Variants in ASTN2 observed in about 807,000 individuals in gnomAD.
ASTN2 encodes astrotactin 2.
ASTN2 carries 54 observed loss-of-function variants against 139.8 expected under a neutral mutation model. The ratio of observed to expected loss-of-function variants is 0.39; its 90% CI spans 0.31 to 0.48. ASTN2 has a LOEUF of 0.48. Among genes scored for constraint, ASTN2 ranks in the 20% least tolerant of loss-of-function variants. The pLI, the probability that ASTN2 is intolerant of heterozygous loss-of-function variation, is 0.95. For missense variants in ASTN2, 1,565 were observed against 1,725.1 expected (o/e 0.91, Z 1.64); for synonymous variants, 756 against 719.5 (o/e 1.05, Z -0.81).
chr9:116,725,087 T>C (rs1213730475), intron 16 of ASTN2, among the ~76,000 whole-genome samples: 1 of 152,186 alleles, frequency 6.6e-6, no homozygotes, highest in Non-Finnish European at 1.5e-5. Flanking sequence ...TTATCTTTAA[T>C]GTGAGAAGCA....
chr9:116,905,203 G>T (rs1318590453), intron 10 of ASTN2, among the ~76,000 whole-genome samples: 1 of 152,144 alleles, frequency 6.6e-6, no homozygotes, highest in Non-Finnish European at 1.5e-5. Context: ...ACAGAAGAGC[G>T]TGTGCTCCTT....
chr9:117,049,659 G>A (rs1032621898), intron 5 of ASTN2, among the ~76,000 whole-genome samples: 2 of 152,206 alleles, frequency 1.3e-5, no homozygotes, highest in African/African-American at 4.8e-5. Flanking sequence ...TCACTGGGAA[G>A]AGGAAGAGGA....
chr9:116,820,546 G>A, intron 12 of ASTN2, 71 bp downstream of exon 12: 1 of 1,544,960 alleles, frequency 6.5e-7, no homozygotes, highest in African/African-American at 1.4e-5. Context: ...GAGCTGTAGT[G>A]TCTGATCATT....
chr9:116,485,189 A>G (rs79776081), intron 20 of ASTN2, among the ~76,000 whole-genome samples: 109 of 152,312 alleles, frequency 7.2e-4, no homozygotes, highest in African/African-American at 2.5e-3. Flanking sequence ...GCTTTTGTCC[A>G]TGATCCCTTC....
At chr9:117,270,190 A>G (rs1834031523) in intron 2 of ASTN2, among the ~76,000 whole-genome samples, 1 of 152,218 alleles carries the variant, frequency 6.6e-6, no homozygotes, top group Admixed American at 6.5e-5. Context: ...AAGAAAACTT[A>G]ACATGAGATC....
intron 11 of ASTN2, among the ~76,000 whole-genome samples, chr9:116,839,186 C>CAG (rs1832113626): frequency 1.3e-5 from 2 of 152,124 alleles, no homozygotes; most frequent in Non-Finnish European, 2.9e-5. Flanking sequence ...CTCTGTCACC[C>CAG]AGGCTGGAGT....
At chr9:117,188,087 C>T (rs972401792) in intron 3 of ASTN2, among the ~76,000 whole-genome samples, 12 of 151,592 alleles carry the variant, frequency 7.9e-5, no homozygotes, top group African/African-American at 2.9e-4. Flanking sequence ...CCTAACCCCT[C>T]CCTAGTCATG....
chr9:117,354,010 A>C (rs886909754), intron 1 of ASTN2, among the ~76,000 whole-genome samples: 2 of 152,136 alleles, frequency 1.3e-5, no homozygotes, highest in Non-Finnish European at 2.9e-5. Context: ...CACAACACCA[A>C]AAGTGAACCC....
chr9:117,191,152 C>A (rs1221987618), intron 3 of ASTN2, among the ~76,000 whole-genome samples: 3 of 150,654 alleles, frequency 2.0e-5, no homozygotes, highest in African/African-American at 7.3e-5. Flanking sequence ...TGGGAATATA[C>A]CCTGAGGAAA....
At chr9:117,358,153 A>G (rs1271438897) in intron 1 of ASTN2, among the ~76,000 whole-genome samples, 1 of 152,154 alleles carries the variant, frequency 6.6e-6, no homozygotes, top group East Asian at 1.9e-4. Flanking sequence ...CTCAAAATCC[A>G]GGATATGCCT....
intron 11 of ASTN2, among the ~76,000 whole-genome samples, chr9:116,841,211 C>A (rs911004135): frequency 1.3e-5 from 2 of 152,206 alleles, no homozygotes; most frequent in African/African-American, 4.8e-5. Context: ...CCAGTCTCCA[C>A]CAAGAAAATA....
chr9:117,107,609 A>C (rs1829139708), intron 4 of ASTN2, among the ~76,000 whole-genome samples: 1 of 152,208 alleles, frequency 6.6e-6, no homozygotes, highest in Non-Finnish European at 1.5e-5. Context: ...AGAATTGGGC[A>C]TGCTAATTCA....
chr9:117,323,709 C>T (rs1488789198), intron 1 of ASTN2, among the ~76,000 whole-genome samples: 1 of 152,144 alleles, frequency 6.6e-6, no homozygotes, highest in African/African-American at 2.4e-5. Flanking sequence ...GATTCACCCT[C>T]CTTCTAATAC....
chr9:117,387,022 G>T (rs1030106841), intron 1 of ASTN2, among the ~76,000 whole-genome samples: 2 of 152,124 alleles, frequency 1.3e-5, no homozygotes, highest in Admixed American at 1.3e-4. Context: ...GACCTCTCTA[G>T]GCCTCACAGT....
intron 1 of ASTN2, among the ~76,000 whole-genome samples, chr9:117,403,999 CATT>C (rs1171200659): frequency 6.6e-6 from 1 of 152,090 alleles, no homozygotes; most frequent in Admixed American, 6.5e-5. Flanking sequence ...AATTTACATT[CATT>C]ATTGATTCAT....
intron 5 of ASTN2, among the ~76,000 whole-genome samples, chr9:117,044,528 C>A (rs2132656889): frequency 6.6e-6 from 1 of 152,254 alleles, no homozygotes; most frequent in Middle Eastern, 3.4e-3. Flanking sequence ...GGGAGGTGAG[C>A]ATAGCATTTA....
chr9:117,056,006 A>G (rs564599768), intron 5 of ASTN2, among the ~76,000 whole-genome samples: 1 of 152,208 alleles, frequency 6.6e-6, no homozygotes, highest in Non-Finnish European at 1.5e-5. Context: ...TATGGCCCAC[A>G]TGAGAAGAGC....
At chr9:116,809,375 C>T (rs566001738) in intron 12 of ASTN2, among the ~76,000 whole-genome samples, 11 of 151,930 alleles carry the variant, frequency 7.2e-5, no homozygotes, top group African/African-American at 2.4e-4. Context: ...TTTTTTTACA[C>T]GTGCAATCCC....
At chr9:117,380,597 CAAAA>C (rs1199618121) in intron 1 of ASTN2, among the ~76,000 whole-genome samples, 2 of 92,628 alleles carry the variant, frequency 2.2e-5, no homozygotes. Flanking sequence ...GAGCAAGACT[CAAAA>C]AAAAAAAAAA....
Sources: gnomAD v4.1 joint callset for allele counts (sites outside exome capture counted in the v4.1 genomes callset) on GRCh38, gnomAD v4.1.1 for gene constraint, MANE v1.5 for transcripts, NCBI Gene and HGNC (gene_info 2026-07-23, HGNC 2026-07-21) for gene names.